Variants in CDH23 observed in about 807,000 individuals in gnomAD.
CDH23 encodes cadherin related 23, also known as cadherin-23.
In CDH23, 189 loss-of-function variants were observed where a neutral mutation model predicts 317.1. The ratio of observed to expected loss-of-function variants is 0.60; its 90% CI spans 0.53 to 0.67. The LOEUF (loss-of-function observed/expected upper bound fraction) is 0.67. CDH23 is among the 30% of genes least tolerant of loss of function. The probability of loss-of-function intolerance (pLI) is 0.00; values close to 1 mark genes in which losing one functional copy is unlikely to be tolerated. For synonymous variants in CDH23, 1,839 were observed against 1,876.8 expected (o/e 0.98, Z 0.52); for missense variants, 4,401 against 4,592.4 (o/e 0.96, Z 1.20).
chr10:71,500,354 C>T (rs1215299717), intron 3 of CDH23, among the ~76,000 whole-genome samples: 9 of 152,340 alleles, frequency 5.9e-5, no homozygotes, highest in Admixed American at 2.0e-4. Flanking sequence ...TTGTGTCGTC[C>T]GGCTCTGTTT....
At chr10:71,623,371 C>T (rs76708708) in intron 11 of CDH23, among the ~76,000 whole-genome samples, 165 of 152,312 alleles carry the variant, frequency 1.1e-3, no homozygotes, top group African/African-American at 3.9e-3. Flanking sequence ...TTTCAAGGAG[C>T]AGAAAAGAGG....
intron 11 of CDH23, among the ~76,000 whole-genome samples, chr10:71,630,684 C>A (rs1861965567): frequency 6.6e-6 from 1 of 152,200 alleles, no homozygotes; most frequent in Non-Finnish European, 1.5e-5. Context: ...ATGGAGACGC[C>A]AAGAAGGCAC....
rs920403262 is a variant in CDH23, at chr10:71,455,091, C to G, written c.145+8696C>G. ...TCCTGGCTTTAAGCAATCCTCCTGC[C>G]TTGGCCTCCCAAAGCACTGAGATTA... On this transcript the variant is annotated intron_variant, in intron 3 of 69. Transcript: ENST00000224721. Among the ~76,000 whole-genome samples the G allele has an allele frequency of 1.6e-4, 25 of 152,160 alleles. 1 individual carries two copies. The highest frequency in any genetic ancestry group is 6.0e-4 in the African/African-American group (25 of 41,432).
intron 38 of CDH23, among the ~76,000 whole-genome samples, chr10:71,759,790 T>TAAC (rs1188597488): frequency 6.7e-6 from 1 of 148,164 alleles, no homozygotes; most frequent in Non-Finnish European, 1.5e-5. Flanking sequence ...CCAGCCTGGG[T>TAAC]AACAGAGTGA....
intron 35 of CDH23, 72 bp from the exon 36 acceptor site, chr10:71,739,572 A>T: frequency 6.5e-7 from 1 of 1,549,882 alleles, no homozygotes; most frequent in Non-Finnish European, 8.8e-7. Context: ...AGGACCAGGG[A>T]GTCCCCCTTG....
At chr10:71,521,573 C>T (rs1268034791) in intron 6 of CDH23, among the ~76,000 whole-genome samples, 2 of 152,224 alleles carry the variant, frequency 1.3e-5, no homozygotes, top group Non-Finnish European at 2.9e-5. Context: ...TCCAAGCCCA[C>T]AGCACCATCT....
intron 11 of CDH23, among the ~76,000 whole-genome samples, chr10:71,622,560 G>C (rs2132532720): frequency 6.6e-6 from 1 of 152,242 alleles, no homozygotes; most frequent in African/African-American, 2.4e-5. Context: ...ACACCTCTGG[G>C]TGCCTTACAA....
Position 71,732,123 on chromosome 10 carries a change from G to C in CDH23, c.3852G>C (p.Ser1284=), listed in dbSNP as rs372172457. ...AGACCAGCTACATGATGAATGTGTCGGCCACTGACCAGGCCCCGCCCTTCA... is the reference window on the plus strand; with the variant it reads ...AGACCAGCTACATGATGAATGTGTCCGCCACTGACCAGGCCCCGCCCTTCA... ...ETKTSYMMNV[S]ATDQAPPFNQ... is the part of the protein sequence containing the mutation. The change falls in exon 32 of 70, where the codon TCG becomes TCC. Residue 1284 remains serine (S), a synonymous_variant. Transcript: ENST00000224721. 3.7e-6 allele frequency: 6 copies of C among 1,613,842 alleles called. No individual in the cohort carries two copies. Among genetic ancestry groups the C allele is most frequent in the African/African-American group, 2.7e-5 (2 of 74,914 alleles).
At chr10:71,711,875 C>T (rs1865983444) in intron 27 of CDH23, 1 of 152,120 alleles carries the variant, frequency 6.6e-6, no homozygotes, top group African/African-American at 2.4e-5. Context: ...AGGTGCTATA[C>T]CCGCCAGTCC....
intron 3 of CDH23, among the ~76,000 whole-genome samples, chr10:71,477,315 C>A (rs907192207): frequency 6.6e-6 from 1 of 152,188 alleles, no homozygotes; most frequent in Non-Finnish European, 1.5e-5. Context: ...ATTACAGGCA[C>A]CTGCCACCAT....
intron 11 of CDH23, among the ~76,000 whole-genome samples, chr10:71,630,739 G>T (rs867512469): frequency 1.3e-5 from 2 of 152,188 alleles, no homozygotes; most frequent in Non-Finnish European, 1.5e-5. Context: ...CCAGGGCCTC[G>T]GTGAGGGGCT....
chr10:71,790,674 C>T (rs768493780), intron 46 of CDH23: 10 of 528,184 alleles, frequency 1.9e-5, no homozygotes, highest in Non-Finnish European at 3.4e-5. Context: ...AGCCCCCCAG[C>T]CCACTCCCGT....
chr10:71,809,770 T>C (rs772890627), intron 60 of CDH23, 50 bp from the exon 61 acceptor site: 1 of 1,587,452 alleles, frequency 6.3e-7, no homozygotes, highest in Non-Finnish European at 8.6e-7. Flanking sequence ...TTCCTGGGGA[T>C]TCGGGGCACT....
chr10:71,812,263 C>A, intron 66 of CDH23: 2 of 1,599,384 alleles, frequency 1.3e-6, no homozygotes, highest in Non-Finnish European at 1.7e-6. Flanking sequence ...CAGGGTGAAG[C>A]CTCTGCACCA....
chr10:71,510,885 T>A, intron 4 of CDH23, 69 bp from the exon 5 acceptor site: 1 of 1,510,544 alleles, frequency 6.6e-7, no homozygotes, highest in Non-Finnish European at 9.2e-7. Context: ...TCCCGCCCCA[T>A]TTAGGGCCCA....
At chr10:71,460,510 G>A (rs1253150062) in intron 3 of CDH23, among the ~76,000 whole-genome samples, 1 of 152,274 alleles carries the variant, frequency 6.6e-6, no homozygotes, top group Non-Finnish European at 1.5e-5. Context: ...GAGTGAGATG[G>A]AGAGATTATT....
intron 3 of CDH23, among the ~76,000 whole-genome samples, chr10:71,458,094 G>A (rs1471231588): frequency 2.0e-5 from 3 of 152,238 alleles, no homozygotes; most frequent in Non-Finnish European, 4.4e-5. Context: ...CCAGCTGGCT[G>A]AGGAGACGGG....
chr10:71,619,096 A>C (rs1465087601), intron 11 of CDH23, among the ~76,000 whole-genome samples: 1 of 152,200 alleles, frequency 6.6e-6, no homozygotes, highest in African/African-American at 2.4e-5. Flanking sequence ...ACACTTTGGG[A>C]GGCCGAGGCA....
intron 3 of CDH23, among the ~76,000 whole-genome samples, chr10:71,453,213 G>A (rs1045884702): frequency 2.0e-5 from 3 of 152,212 alleles, no homozygotes; most frequent in African/African-American, 4.8e-5. Flanking sequence ...TGGGAACCCG[G>A]GATTCATTAG....
Sources: gnomAD v4.1 joint callset for allele counts (sites outside exome capture counted in the v4.1 genomes callset) on GRCh38, gnomAD v4.1.1 for gene constraint, MANE v1.5 for transcripts, NCBI Gene and HGNC (gene_info 2026-07-23, HGNC 2026-07-21) for gene names.